GLG1: variants seen among roughly 807,000 people sequenced by gnomAD.
GLG1 encodes the protein golgi glycoprotein 1.
A neutral mutation model predicts 160.5 loss-of-function variants in GLG1; 38 were observed. That is an observed-to-expected ratio of 0.24 (90% CI 0.18 to 0.31). The LOEUF is 0.31. Among genes scored for constraint, GLG1 ranks in the 10% least tolerant of loss-of-function variants. GLG1 has a pLI of 1.00. For synonymous variants in GLG1, 644 were observed against 543.4 expected (o/e 1.19, Z -2.57); for missense variants, 1,373 against 1,505.2 (o/e 0.91, Z 1.45).
At chr16:74,595,922 G>A (rs1318390839) in intron 1 of GLG1, among the ~76,000 whole-genome samples, 4 of 152,048 alleles carry the variant, frequency 2.6e-5, no homozygotes, top group East Asian at 1.9e-4. Context: ...TCAGGAGTTC[G>A]AGATCAGCCT....
At chr16:74,521,519 G>C (rs2017163876) in intron 2 of GLG1, among the ~76,000 whole-genome samples, 2 of 152,112 alleles carry the variant, frequency 1.3e-5, no homozygotes. Context: ...AAGTGTAAGA[G>C]GAGAAGAATC....
intron 2 of GLG1, 117 bp from the exon 3 acceptor site, chr16:74,509,042 C>T (rs2016713324): frequency 7.9e-6 from 4 of 503,264 alleles, no homozygotes; most frequent in African/African-American, 5.7e-5. Flanking sequence ...AGCATATTCA[C>T]ATCAGATAAC....
At chr16:74,522,171 C>T (rs1176773828) in intron 2 of GLG1, among the ~76,000 whole-genome samples, 1 of 152,206 alleles carries the variant, frequency 6.6e-6, no homozygotes, top group African/African-American at 2.4e-5. Context: ...AATTCAAATA[C>T]TTATGAAAAT....
chr16:74,472,408 T>C lies in GLG1; in HGVS notation c.2056A>G (p.Ile686Val). ...GNLTELESED[I>V]QIEALLMRAC... The stretch of plus-strand genomic sequence containing the variant: ...CTCATCAGCAAGGCTTCTATTTGAA[T>C]ATCCTGTAGAAAATTAAATATATTA... The change falls in exon 14 of 26, where the codon ATT becomes GTT. Residue 686 changes from isoleucine (I) to valine (V), a missense_variant. By Grantham distance (29) the Ile-to-Val change is conservative. Transcript: ENST00000422840. The C allele has an allele frequency of 1.1e-5, 18 of 1,604,382 alleles. No individual in the cohort carries two copies. Among genetic ancestry groups the C allele is most frequent in the Non-Finnish European group, 1.5e-5 (18 of 1,171,386 alleles).
intron 1 of GLG1, among the ~76,000 whole-genome samples, chr16:74,596,107 C>G (rs958798498): frequency 2.0e-5 from 3 of 151,940 alleles, no homozygotes; most frequent in Non-Finnish European, 4.4e-5. Context: ...AGGCAGTATT[C>G]CAAATTTGGC....
chr16:74,554,226 A>G (rs2018287425), intron 1 of GLG1, among the ~76,000 whole-genome samples: 1 of 152,214 alleles, frequency 6.6e-6, no homozygotes, highest in Admixed American at 6.5e-5. Flanking sequence ...GATTTAAGAC[A>G]GGATTTCCTC....
At chr16:74,555,709 G>A (rs2018332851) in intron 1 of GLG1, among the ~76,000 whole-genome samples, 2 of 151,910 alleles carry the variant, frequency 1.3e-5, no homozygotes, top group South Asian at 4.1e-4. Flanking sequence ...GAAGAAAAAG[G>A]AAAGAAAGAA....
intron 3 of GLG1, among the ~76,000 whole-genome samples, chr16:74,504,499 G>A (rs1003131821): frequency 1.3e-5 from 2 of 152,112 alleles, no homozygotes; most frequent in Non-Finnish European, 2.9e-5. Context: ...TGTTGGCCAG[G>A]CTGGTCTCGA....
chr16:74,578,618 T>C (rs966866384), intron 1 of GLG1, among the ~76,000 whole-genome samples: 13 of 152,218 alleles, frequency 8.5e-5, no homozygotes, highest in African/African-American at 3.1e-4. Flanking sequence ...GACTTAAAAC[T>C]ATGAAGATGC....
Position 74,452,251 on chromosome 16 carries a change from T to C in GLG1, c.*916A>G. ...CCTGCCTCCTGATGAAGCGCAGAGC[T>C]TCCAGAGTGACTGTAGCCTCAGCAG... On this transcript the variant is annotated 3_prime_UTR_variant, in exon 26 of 26. Coordinates refer to ENST00000422840, the MANE Select transcript of GLG1 (RefSeq NM_001145667.2). The C allele has an allele frequency of 6.6e-7, 1 of 1,507,836 alleles. No homozygotes were observed. 93.4% of individuals were successfully genotyped at this position (1,507,836 alleles called of 1,614,324 possible).
chr16:74,569,116 C>A (rs74692876), intron 1 of GLG1, among the ~76,000 whole-genome samples: 402 of 152,274 alleles, frequency 2.6e-3, no homozygotes, highest in African/African-American at 9.0e-3. Context: ...TTAAAGCTGG[C>A]ATCTCAAAAG....
intron 5 of GLG1, among the ~76,000 whole-genome samples, chr16:74,496,150 T>C (rs2016178380): frequency 6.6e-6 from 1 of 151,934 alleles, no homozygotes; most frequent in Admixed American, 6.6e-5. Flanking sequence ...TGCCTATGGT[T>C]TTAGCTACTT....
rs1245344736 is a variant in GLG1 at position 74,456,679 on chromosome 16, G to T, written c.3342C>A (p.Asp1114Glu). The T allele has an allele frequency of 6.2e-7, 1 of 1,606,852 alleles. No individual in the cohort carries two copies. Among genetic ancestry groups the T allele is most frequent in the East Asian group, 2.2e-5 (1 of 44,852 alleles). ...CTGCGTAACTCCACATCTCAATCCG[G>T]TCATTGAGGCGCTTTTTGCACTCGG... ...LQPECKKRLNDRIEMWSYAAK... is the reference protein window; with the variant it reads ...LQPECKKRLNERIEMWSYAAK... The change falls in exon 25 of 26, where the codon GAC becomes GAA. Residue 1114 changes from aspartate to glutamate, a missense_variant. Asp to Glu is a conservative substitution (Grantham distance 45, BLOSUM62 2). This residue lies in a region of GLG1 where 491 missense variants were observed against 632.1 expected (regional missense o/e 0.78). Coordinates refer to ENST00000422840, the MANE Select transcript of GLG1 (RefSeq NM_001145667.2).
chr16:74,604,305 G>C (rs970497310), intron 1 of GLG1, among the ~76,000 whole-genome samples: 2 of 152,200 alleles, frequency 1.3e-5, no homozygotes, highest in Non-Finnish European at 2.9e-5. Context: ...TGATATGTAG[G>C]CACTGTACTA....
In GLG1 at chr16:74,462,764, C is replaced by G. The variant is rs1027200562; in HGVS notation, c.2792-134G>C. 2.0e-5 allele frequency: 16 copies of G among 799,582 alleles called. No homozygotes were observed. The African/African-American group carries it at 2.4e-4, about 12-fold the overall frequency. 49.5% of individuals were successfully genotyped at this position (799,582 alleles called of 1,614,324 possible). A position where few individuals can be genotyped will look rare whatever the true frequency, so the allele number is the denominator to read the frequency against. ...ACCATGGATTTATCTATTCAATAAA[C>G]ATTTACTGAGCTCTCACTACACTGT... On this transcript the variant is annotated intron_variant, in intron 20 of 25. Coordinates refer to ENST00000422840, the MANE Select transcript of GLG1 (RefSeq NM_001145667.2).
At chr16:74,480,219 G>T in intron 11 of GLG1, 22 bp downstream of exon 11, 1 of 1,565,450 alleles carries the variant, frequency 6.4e-7, no homozygotes, top group Non-Finnish European at 8.8e-7. Flanking sequence ...AAGAAGAAAT[G>T]AAGTCGATAT....
intron 2 of GLG1, among the ~76,000 whole-genome samples, chr16:74,510,286 T>C (rs2016762522): frequency 6.6e-6 from 1 of 151,842 alleles, no homozygotes; most frequent in African/African-American, 2.4e-5. Context: ...CCACCTTGGC[T>C]TCCCAAAGTG....
chr16:74,488,980 G>C (rs112431420), intron 8 of GLG1, among the ~76,000 whole-genome samples: 1 of 152,162 alleles, frequency 6.6e-6, no homozygotes, highest in Non-Finnish European at 1.5e-5. Context: ...CCACCCTCTA[G>C]ATTTGGAAAG....
rs1280025811 is a variant in GLG1 at position 74,470,009 on chromosome 16, T to A, written c.2294A>T (p.Lys765Met). ...FKMACKEDVL[K>M]LCPNIKKKVD... is the part of the protein sequence containing the mutation. Reference sequence around the variant, plus strand: ...CTTCTTTTTTATGTTTGGGCAAAGCTTCAACACGTCCTCCTTGCAGGCCAT... The same window carrying A: ...CTTCTTTTTTATGTTTGGGCAAAGCATCAACACGTCCTCCTTGCAGGCCAT... The change falls in exon 16 of 26, where the codon AAG (lysine) becomes ATG (methionine). Residue 765 changes from lysine to methionine, a missense_variant. Lys to Met is a moderately conservative substitution (Grantham distance 95). Coordinates refer to ENST00000422840, the MANE Select transcript of GLG1 (RefSeq NM_001145667.2). The A allele has an allele frequency of 1.9e-6, 3 of 1,606,382 alleles. No individual in the cohort carries two copies. Among genetic ancestry groups the A allele is most frequent in the South Asian group, 2.2e-5 (2 of 90,954 alleles).
Sources: gnomAD v4.1 joint callset for allele counts (sites outside exome capture counted in the v4.1 genomes callset) on GRCh38, gnomAD v4.1.1 for gene constraint, gnomAD v4.1.1 regional missense constraint, MANE v1.5 for transcripts, NCBI Gene and HGNC (gene_info 2026-07-23, HGNC 2026-07-21) for gene names.